PRKAG2: variants seen among roughly 807,000 people sequenced by gnomAD.
PRKAG2 encodes the protein 5'-AMP-activated protein kinase subunit gamma-2.
PRKAG2 carries 26 observed loss-of-function variants against 69.6 expected under a neutral mutation model. That is an observed-to-expected ratio of 0.37 (90% CI 0.27 to 0.52). PRKAG2 has a LOEUF of 0.52. Among genes scored for constraint, PRKAG2 ranks in the 20% least tolerant of loss-of-function variants. The pLI, the probability that PRKAG2 is intolerant of heterozygous loss-of-function variation, is 0.90. For synonymous variants in PRKAG2, 293 were observed against 285.0 expected (o/e 1.03, Z -0.28); for missense variants, 557 against 740.0 (o/e 0.75, Z 2.87).
chr7:151,812,317 G>A (rs972168926), intron 1 of PRKAG2, among the ~76,000 whole-genome samples: 1 of 152,210 alleles, frequency 6.6e-6, no homozygotes, highest in Non-Finnish European at 1.5e-5. Context: ...AGAAGGGGGT[G>A]TGGTGAGACT....
chr7:151,761,614 C>T (rs1485639870), intron 3 of PRKAG2, among the ~76,000 whole-genome samples: 2 of 152,218 alleles, frequency 1.3e-5, no homozygotes, highest in African/African-American at 4.8e-5. Context: ...AAACTGCTAA[C>T]CTCTGAGCCT....
intron 13 of PRKAG2, among the ~76,000 whole-genome samples, chr7:151,564,669 T>C (rs1805821815): frequency 6.6e-6 from 1 of 152,260 alleles, no homozygotes; most frequent in South Asian, 2.1e-4. Context: ...GGGAAGGCTT[T>C]GGGGGACCCA....
At chr7:151,779,539 T>C (rs1481306527) in intron 3 of PRKAG2, among the ~76,000 whole-genome samples, 3 of 152,204 alleles carry the variant, frequency 2.0e-5, no homozygotes, top group African/African-American at 4.8e-5. Flanking sequence ...CCTACACTCC[T>C]TTGGGCACCC....
intron 1 of PRKAG2, among the ~76,000 whole-genome samples, chr7:151,831,565 T>TTAA (rs1256172994): frequency 1.3e-5 from 2 of 152,174 alleles, no homozygotes; most frequent in Non-Finnish European, 2.9e-5. Flanking sequence ...CCTTAGTGAG[T>TTAA]TAATGGCTAT....
chr7:151,840,084 C>G (rs2079240570), intron 1 of PRKAG2, among the ~76,000 whole-genome samples: 1 of 152,156 alleles, frequency 6.6e-6, no homozygotes, highest in South Asian at 2.1e-4. Context: ...TGCGCCAGTC[C>G]TTGAGGGCAT....
At position 151,583,343 on chromosome 7, in the gene PRKAG2, G is replaced by A. The variant is rs938688202; in HGVS notation, c.865-6891C>T. On this transcript the variant is annotated intron_variant, in intron 6 of 15. Coordinates refer to ENST00000287878, the MANE Select transcript of PRKAG2 (RefSeq NM_016203.4). The surrounding 1 kb of genome is among the most constrained non-coding windows in gnomAD (Gnocchi z 4.1). ...ATCCACATACACTGTTGACCTGTCC[G>A]CAGGTCACTGAGGAAGTCTCAATTC... 6.6e-5 allele frequency among the ~76,000 whole-genome samples: 10 copies of A among 152,088 alleles called. No individual in the cohort carries two copies. The highest frequency in any genetic ancestry group is 1.9e-4 in the African/African-American group (8 of 41,404).
chr7:151,858,843 G>C (rs917164518), intron 1 of PRKAG2, among the ~76,000 whole-genome samples: 5 of 152,184 alleles, frequency 3.3e-5, no homozygotes, highest in Non-Finnish European at 7.4e-5. Flanking sequence ...AGCACTTGGA[G>C]GGACCATAAA....
chr7:151,834,398 T>C (rs1466762192), intron 1 of PRKAG2, among the ~76,000 whole-genome samples: 1 of 152,236 alleles, frequency 6.6e-6, no homozygotes, highest in Non-Finnish European at 1.5e-5. Flanking sequence ...AGTTAGCAAA[T>C]GCTGAGCCAT....
At chr7:151,679,023 C>A (rs936279207) in intron 3 of PRKAG2, among the ~76,000 whole-genome samples, 2 of 151,792 alleles carry the variant, frequency 1.3e-5, no homozygotes, top group African/African-American at 4.8e-5. Context: ...GAGAAGAAAA[C>A]CCTGCTTTGA....
rs1019260534 is a variant in PRKAG2, at chr7:151,756,893, G to A, written c.466+24259C>T. Among the ~76,000 whole-genome samples, 23 of 152,018 alleles carry A rather than the reference G, an allele frequency of 1.5e-4. No individual in the cohort carries two copies. Among genetic ancestry groups the A allele is most frequent in the Non-Finnish European group, 2.4e-4 (16 of 68,016 alleles). On this transcript the variant is annotated intron_variant, in intron 3 of 15. Transcript: ENST00000287878. This position sits in a 1 kb window ranked among gnomAD's most constrained non-coding sequence, Gnocchi z 4.9. The stretch of plus-strand genomic sequence containing the variant: ...AGTAACCCTCTTCCAGGTAGGACCC[G>A]GGCTGACAGCTGAGCTAGGGCCATC...
chr7:151,709,207 G>A (rs1438385727), intron 3 of PRKAG2, among the ~76,000 whole-genome samples: 3 of 152,172 alleles, frequency 2.0e-5, no homozygotes, highest in Non-Finnish European at 2.9e-5. Flanking sequence ...ATGACATTGT[G>A]TGACACAGTG....
chr7:151,701,081 A>C (rs1193359111), intron 3 of PRKAG2, among the ~76,000 whole-genome samples: 1 of 151,866 alleles, frequency 6.6e-6, no homozygotes, highest in African/African-American at 2.4e-5. Context: ...ACAAGAGTCC[A>C]CCCCCTTCCA....
At chr7:151,575,830 TCAA>T (rs34796784) in intron 7 of PRKAG2, among the ~76,000 whole-genome samples, 10 of 140,226 alleles carry the variant, frequency 7.1e-5, no homozygotes, top group South Asian at 2.3e-4. Flanking sequence ...TAAAAGAAAT[TCAA>T]CAACAACAAC....
chr7:151,585,019 A>C (rs1381064120), intron 6 of PRKAG2, among the ~76,000 whole-genome samples: 2 of 152,200 alleles, frequency 1.3e-5, no homozygotes, highest in Non-Finnish European at 2.9e-5. Flanking sequence ...TGACCACAAG[A>C]CACATGATGA....
At chr7:151,693,103 A>G (rs1178915376) in intron 3 of PRKAG2, among the ~76,000 whole-genome samples, 3 of 152,226 alleles carry the variant, frequency 2.0e-5, no homozygotes, top group Non-Finnish European at 2.9e-5. Context: ...CACCAGACTC[A>G]GTCACCCGGC....
intron 3 of PRKAG2, among the ~76,000 whole-genome samples, chr7:151,721,382 A>AGGGCCAGGGCCAGGGCCG (rs1554563514): frequency 7.3e-5 from 11 of 151,188 alleles, no homozygotes; most frequent in South Asian, 2.1e-4. Context: ...AGACAGGGCC[A>AGGGCCAGGGCCAGGGCCG]GGGCCAGGGC....
chr7:151,830,363 CCTCTTTCCTCT>C (rs1290112193), intron 1 of PRKAG2, among the ~76,000 whole-genome samples: 1 of 151,924 alleles, frequency 6.6e-6, no homozygotes, highest in Non-Finnish European at 1.5e-5. Context: ...CCAGGGTGCA[CCTCTTTCCTCT>C]CCAGGGCGCC....
In PRKAG2 at chr7:151,771,084, C is replaced by G. The variant is rs1419840912; in HGVS notation, c.466+10068G>C. 6.6e-6 allele frequency among the ~76,000 whole-genome samples: 1 copy of G among 152,144 alleles called. No homozygotes were observed. The highest frequency in any genetic ancestry group is 1.9e-4 in the East Asian group (1 of 5,192). On this transcript the variant is annotated intron_variant, in intron 3 of 15. Coordinates refer to ENST00000287878, the MANE Select transcript of PRKAG2 (RefSeq NM_016203.4). This position sits in a 1 kb window ranked among gnomAD's most constrained non-coding sequence, Gnocchi z 4.0. ...TGTATAGGTTGCTTACAAAAATAAC[C>G]AGCCCTCCTCTGTTCCTTACTTCAG...
rs138571642 is a variant in PRKAG2, at chr7:151,616,031, G to C, written c.754+16038C>G. Among the ~76,000 whole-genome samples, 284 of 152,314 alleles carry C rather than the reference G, an allele frequency of 1.9e-3. 2 individuals carry two copies. The highest frequency in any genetic ancestry group is 6.8e-3 in the Middle Eastern group (2 of 294). On this transcript the variant is annotated intron_variant, in intron 5 of 15. Transcript: ENST00000287878. ...ACCCACACCAGCTCCTGTAGTTGTG[G>C]GGCCCTGACTTAGTCAATTACTGAC... is the stretch of plus-strand genomic sequence containing the variant.
Sources: allele counts gnomAD v4.1 joint callset (sites outside exome capture counted in the v4.1 genomes callset), GRCh38; gene constraint gnomAD v4.1.1; non-coding constraint Gnocchi (gnomAD v3.1); transcripts MANE v1.5; gene names NCBI Gene and HGNC (gene_info 2026-07-23, HGNC 2026-07-21).